Variants in SHTN1 observed in about 807,000 individuals in gnomAD.
SHTN1 encodes shootin-1.
Under a neutral mutation model 83.1 loss-of-function variants are expected in SHTN1, and 42 were observed. The observed-to-expected ratio is 0.51, with a 90% confidence interval of 0.39 to 0.65. The LOEUF (loss-of-function observed/expected upper bound fraction) is 0.65. Ranked by LOEUF, SHTN1 falls within the 30% of genes least tolerant of loss-of-function variation. SHTN1 has a pLI of 0.00. For synonymous variants in SHTN1, 224 were observed against 247.7 expected (o/e 0.90, Z 0.90); for missense variants, 622 against 737.8 (o/e 0.84, Z 1.82).
intron 12 of SHTN1, among the ~76,000 whole-genome samples, chr10:116,920,546 A>C (rs1848524855): frequency 6.6e-6 from 1 of 152,098 alleles, no homozygotes; most frequent in African/African-American, 2.4e-5. Flanking sequence ...GAATGACTGC[A>C]ATAGTCTTCC....
chr10:116,925,004 C>T (rs1848694715), intron 11 of SHTN1, among the ~76,000 whole-genome samples: 1 of 152,124 alleles, frequency 6.6e-6, no homozygotes, highest in Admixed American at 6.5e-5. Flanking sequence ...GATCCGCCCG[C>T]CTCGGCCTCC....
intron 3 of SHTN1, among the ~76,000 whole-genome samples, chr10:116,963,545 G>A (rs149594450): frequency 1.6e-4 from 25 of 152,200 alleles, no homozygotes; most frequent in African/African-American, 4.3e-4. Flanking sequence ...TAAAGTGTCC[G>A]TAATACTGCA....
chr10:117,044,097 T>C (rs1156959084), intron 2 of SHTN1, among the ~76,000 whole-genome samples: 1 of 152,136 alleles, frequency 6.6e-6, no homozygotes, highest in African/African-American at 2.4e-5. Flanking sequence ...GAAACTAATA[T>C]CTGCTCTTTA....
At chr10:116,973,896 T>C (rs1850703863) in intron 2 of SHTN1, 2 of 1,285,490 alleles carry the variant, frequency 1.6e-6, no homozygotes, top group Admixed American at 2.3e-5. Flanking sequence ...GGACCATCAA[T>C]TCATTTTTAA....
intron 2 of SHTN1, among the ~76,000 whole-genome samples, chr10:116,975,631 T>C (rs1487038284): frequency 6.6e-6 from 1 of 151,760 alleles, no homozygotes; most frequent in East Asian, 1.9e-4. Context: ...ATTGACTCCA[T>C]TCTCAAAGTC....
At position 116,901,863 on chromosome 10, in the gene SHTN1, A is replaced by G; in HGVS notation, c.1575T>C (p.Thr525=). Residue 525 remains threonine, a synonymous_variant, in exon 16 of 17, where the codon ACT becomes ACC. Coordinates refer to ENST00000355371, the MANE Select transcript of SHTN1 (RefSeq NM_001127211.3). ...SVTKTALNKK[T]LEAEFNSPSP... ...ACGGGCTGTTGAATTCTGCCTCCAG[A>G]GTTTTCTTGTTCAAGGCTGTTTTTG... 6.2e-7 allele frequency: 1 copy of G among 1,607,618 alleles called. No homozygotes were observed. The highest frequency in any genetic ancestry group is 8.5e-7 in the Non-Finnish European group (1 of 1,178,276).
chr10:117,113,953 A>G (rs888224994), intron 1 of SHTN1, among the ~76,000 whole-genome samples: 2 of 152,242 alleles, frequency 1.3e-5, no homozygotes, highest in Non-Finnish European at 2.9e-5. Flanking sequence ...AGGCTGAGGC[A>G]AGAGAATAAC....
At chr10:117,101,282 T>C (rs1304070278) in intron 1 of SHTN1, among the ~76,000 whole-genome samples, 1 of 152,202 alleles carries the variant, frequency 6.6e-6, no homozygotes, top group Non-Finnish European at 1.5e-5. Context: ...CTCATCTGTA[T>C]GTGGAGTTTC....
rs1010655931 is a variant in SHTN1 at position 116,947,013 on chromosome 10, G to A, written c.616+1903C>T. On this transcript the variant is annotated intron_variant, in intron 7 of 16. Coordinates refer to ENST00000355371, the MANE Select transcript of SHTN1 (RefSeq NM_001127211.3). ...TGGGATTACAGGTGTGAGCCACCGCGCCTGGACATATAAGTTATTTTTAAG... is the reference window on the plus strand; with the variant it reads ...TGGGATTACAGGTGTGAGCCACCGCACCTGGACATATAAGTTATTTTTAAG... Among the ~76,000 whole-genome samples, 9 of 152,042 alleles carry A rather than the reference G, an allele frequency of 5.9e-5. No homozygotes were observed. The South Asian group carries it at 1.2e-3, about 21-fold the overall frequency.
intron 2 of SHTN1, among the ~76,000 whole-genome samples, chr10:116,970,212 G>GA (rs1309286274): frequency 2.6e-5 from 4 of 151,974 alleles, no homozygotes; most frequent in African/African-American, 9.7e-5. Flanking sequence ...AATTACTTTG[G>GA]AAAAAAACTT....
intron 1 of SHTN1, among the ~76,000 whole-genome samples, chr10:116,997,504 C>G: frequency 6.6e-6 from 1 of 152,196 alleles, no homozygotes; most frequent in Non-Finnish European, 1.5e-5. Flanking sequence ...TTTTTATGAC[C>G]TTGACAGTTG....
intron 1 of SHTN1, among the ~76,000 whole-genome samples, chr10:117,074,525 C>A (rs1387333636): frequency 6.6e-6 from 1 of 152,158 alleles, no homozygotes; most frequent in Admixed American, 6.5e-5. Flanking sequence ...CTCAAGTAAT[C>A]CACAACTCAC....
intron 7 of SHTN1, among the ~76,000 whole-genome samples, chr10:116,945,628 T>TA (rs1428601937): frequency 6.6e-6 from 1 of 152,144 alleles, no homozygotes; most frequent in Non-Finnish European, 1.5e-5. Flanking sequence ...AAACACTTCT[T>TA]ACACCCATCC....
rs564184348 is a variant in SHTN1, at chr10:117,085,204, C to T, written c.-188-36694G>A. Among the ~76,000 whole-genome samples the T allele has an allele frequency of 3.9e-5, 6 of 152,256 alleles. No homozygotes were observed. In the East Asian group the frequency reaches 9.7e-4, roughly 24 times the overall value. On this transcript the variant is annotated intron_variant, in intron 1 of 17. Transcript: ENST00000392901. ...TTCTACTTTCTTTGAATTGTATATG[C>T]TCTTTCTAGTTTCCTTAGGTTAAAA... is the stretch of plus-strand genomic sequence containing the variant.
chr10:117,018,212 C>G (rs1303389907), intron 2 of SHTN1, among the ~76,000 whole-genome samples: 1 of 152,074 alleles, frequency 6.6e-6, no homozygotes, highest in Non-Finnish European at 1.5e-5. Context: ...GACAAATGTA[C>G]TGTGGTTATG....
intron 8 of SHTN1, among the ~76,000 whole-genome samples, chr10:116,941,961 A>AT (rs1662252003): frequency 6.6e-6 from 1 of 152,256 alleles, no homozygotes; most frequent in Admixed American, 6.5e-5. Context: ...ATTAAAACAC[A>AT]TTACAAAGTC....
chr10:116,989,440 G>A (rs1851340051), intron 1 of SHTN1, among the ~76,000 whole-genome samples: 2 of 152,136 alleles, frequency 1.3e-5, no homozygotes, highest in Non-Finnish European at 2.9e-5. Flanking sequence ...ATGAAGAGCT[G>A]GGGAGAACTA....
chr10:116,883,419 A>G lies in SHTN1; in HGVS notation c.*2925T>C, dbSNP rs1178013385. ...GGAAGAGAAACTTCAAACCACTCCA[A>G]TCCTTATGCAGGGACTGCTTGATGA... On this transcript the variant is annotated 3_prime_UTR_variant, in exon 17 of 17. Transcript: ENST00000355371. 1 of 152,222 alleles carries G rather than the reference A, an allele frequency of 6.6e-6. No homozygotes were observed. Among genetic ancestry groups the G allele is most frequent in the Non-Finnish European group, 1.5e-5 (1 of 68,028 alleles). The allele number at this position is 152,222 out of a possible 1,614,324, so 9.4% of individuals were successfully genotyped here. A position where few individuals can be genotyped will look rare whatever the true frequency, so the allele number is the denominator to read the frequency against.
At chr10:117,097,030 GACACACACACACACACACAC>G (rs5788209) in intron 1 of SHTN1, among the ~76,000 whole-genome samples, 6 of 148,950 alleles carry the variant, frequency 4.0e-5, no homozygotes, top group African/African-American at 1.5e-4. Flanking sequence ...CACACACATA[GACACACACACACACACACAC>G]ACACACACAC....
Sources: allele counts gnomAD v4.1 joint callset (sites outside exome capture counted in the v4.1 genomes callset), GRCh38; gene constraint gnomAD v4.1.1; transcripts MANE v1.5; gene names NCBI Gene and HGNC (gene_info 2026-07-23, HGNC 2026-07-21).